Variants in MIPEP observed in about 807,000 individuals in gnomAD.
MIPEP encodes the protein mitochondrial intermediate peptidase.
Under a neutral mutation model 90.3 loss-of-function variants are expected in MIPEP, and 79 were observed. The observed-to-expected ratio is 0.87, with a 90% CI of 0.73 to 1.05. MIPEP has a LOEUF of 1.05. Among genes scored for constraint, MIPEP ranks in the 50% least tolerant of loss-of-function variants. MIPEP has a pLI of 0.00. For synonymous variants in MIPEP, 334 were observed against 315.8 expected (o/e 1.06, Z -0.61); for missense variants, 940 against 905.6 (o/e 1.04, Z -0.49).
chr13:23,812,545 A>T lies in MIPEP; in HGVS notation c.1654-2621T>A, dbSNP rs528003089. Among the ~76,000 whole-genome samples the T allele has an allele frequency of 1.1e-4, 17 of 152,144 alleles. No homozygotes were observed. The Middle Eastern group carries it at 0.014, about 122-fold the overall frequency. ...ACCCCCTGTTGGCCAAAGGGACCCC[A>T]GAGAAACTCTGGAAACTTGAGTTCC... On this transcript the variant is annotated intron_variant, in intron 14 of 18. Transcript: ENST00000382172.
rs76440389 is a variant in MIPEP at position 23,839,409 on chromosome 13, G to A, written c.1338+240C>T. On this transcript the variant is annotated intron_variant, in intron 12 of 18. Transcript: ENST00000382172. ...AATAAGGATTCATAAAATGTCAGTT[G>A]TCATTGTTACTATAATTAATACCAT... Among the ~76,000 whole-genome samples, 878 of 152,288 alleles carry A rather than the reference G, an allele frequency of 5.8e-3. 5 individuals carry two copies. The highest frequency in any genetic ancestry group is 9.1e-3 in the Non-Finnish European group (617 of 68,030).
chr13:23,826,402 T>C (rs1593175949), intron 14 of MIPEP, among the ~76,000 whole-genome samples: 1 of 152,046 alleles, frequency 6.6e-6, no homozygotes, highest in Non-Finnish European at 1.5e-5. Flanking sequence ...GGAACATTTC[T>C]AAAAAACTGA....
chr13:23,836,780 A>T (rs928828396), intron 13 of MIPEP, among the ~76,000 whole-genome samples: 7 of 152,224 alleles, frequency 4.6e-5, no homozygotes, highest in African/African-American at 1.7e-4. Flanking sequence ...GCTTTTTGTA[A>T]CAAAGTCAAT....
At chr13:23,741,107 A>ATCACAATGAGATACCATTGTACACCAG (rs1952323159) in intron 18 of MIPEP, among the ~76,000 whole-genome samples, 1 of 152,188 alleles carries the variant, frequency 6.6e-6, no homozygotes, top group African/African-American at 2.4e-5. Context: ...AAAAATCAAA[A>ATCACAATGAGATACCATTGTACACCAG]TCACAATGAG....
intron 18 of MIPEP, among the ~76,000 whole-genome samples, chr13:23,736,406 T>C (rs974674328): frequency 1.3e-5 from 2 of 152,218 alleles, no homozygotes; most frequent in African/African-American, 4.8e-5. Flanking sequence ...GAGAATTTAA[T>C]GTATTTTTCT....
At chr13:23,739,959 T>A (rs548999673) in intron 18 of MIPEP, among the ~76,000 whole-genome samples, 19 of 152,170 alleles carry the variant, frequency 1.2e-4, no homozygotes, top group Non-Finnish European at 2.2e-4. Context: ...CACCAAGGTG[T>A]CAATGGGGTA....
At chr13:23,782,391 T>C (rs998480843) in intron 16 of MIPEP, among the ~76,000 whole-genome samples, 5 of 152,172 alleles carry the variant, frequency 3.3e-5, no homozygotes, top group African/African-American at 1.2e-4. Context: ...GAAATAAAGA[T>C]GTTCTTTGAA....
chr13:23,879,446 C>T, intron 3 of MIPEP, 92 bp from the exon 4 acceptor site: 1 of 689,256 alleles, frequency 1.5e-6, no homozygotes, highest in Non-Finnish European at 2.5e-6. Flanking sequence ...TTGTACCACA[C>T]ACATGCCCAG....
chr13:23,844,238 G>A (rs1436423883), intron 10 of MIPEP, among the ~76,000 whole-genome samples: 3 of 152,114 alleles, frequency 2.0e-5, no homozygotes, highest in Non-Finnish European at 4.4e-5. Flanking sequence ...GGAAGACACA[G>A]AACAGTTCAG....
intron 9 of MIPEP, among the ~76,000 whole-genome samples, chr13:23,860,566 G>A (rs1299063967): frequency 1.3e-5 from 2 of 152,156 alleles, no homozygotes; most frequent in African/African-American, 2.4e-5. Flanking sequence ...CAGCAGGGTA[G>A]TAGGAAGGGA....
rs556587564 is a variant in MIPEP at position 23,803,364 on chromosome 13, AAACAAC to A, written c.1848+2580_1848+2585del. On this transcript the variant is annotated intron_variant, in intron 16 of 18. Coordinates refer to ENST00000382172, the MANE Select transcript of MIPEP (RefSeq NM_005932.4). ...GGAGTCAAAGCAAGACTCCATCTCA[AAACAAC>A]AACAACAACAACAACAACAAAAACA... Among the ~76,000 whole-genome samples the A allele has an allele frequency of 5.3e-5, 8 of 152,078 alleles. No homozygotes were observed. In the East Asian group the frequency reaches 5.8e-4, roughly 11 times the overall value.
intron 2 of MIPEP, among the ~76,000 whole-genome samples, chr13:23,885,865 A>C (rs1359518312): frequency 6.6e-6 from 1 of 150,490 alleles, no homozygotes; most frequent in Non-Finnish European, 1.5e-5. Context: ...ACTTGGGGCT[A>C]GGAGTTCAAG....
intron 8 of MIPEP, among the ~76,000 whole-genome samples, chr13:23,862,622 TA>T (rs1694105680): frequency 6.6e-6 from 1 of 152,196 alleles, no homozygotes; most frequent in African/African-American, 2.4e-5. Context: ...TTGGAAAAAC[TA>T]GCAATGTCAT....
At chr13:23,792,228 G>A (rs986923302) in intron 16 of MIPEP, among the ~76,000 whole-genome samples, 1 of 152,144 alleles carries the variant, frequency 6.6e-6, no homozygotes, top group African/African-American at 2.4e-5. Flanking sequence ...ATCTGTGTGG[G>A]GATGACTCCA....
intron 4 of MIPEP, among the ~76,000 whole-genome samples, chr13:23,877,799 T>C (rs899483916): frequency 6.6e-6 from 1 of 152,242 alleles, no homozygotes; most frequent in African/African-American, 2.4e-5. Context: ...TAGTTCTTTC[T>C]GGGTGCTAGC....
chr13:23,803,910 GC>G (rs57864585), intron 16 of MIPEP, among the ~76,000 whole-genome samples: 55,981 of 151,880 alleles, frequency 0.37, 11,096 homozygotes, highest in South Asian at 0.51. Flanking sequence ...TCTAAACATA[GC>G]TATGCTTCTT....
At chr13:23,831,320 G>A (rs1327009371) in intron 14 of MIPEP, among the ~76,000 whole-genome samples, 3 of 138,858 alleles carry the variant, frequency 2.2e-5, no homozygotes, top group African/African-American at 8.0e-5. Context: ...GTGAGAGAAA[G>A]AAGAGGAAAA....
intron 14 of MIPEP, among the ~76,000 whole-genome samples, chr13:23,823,084 G>T (rs1400286824): frequency 6.6e-6 from 1 of 151,920 alleles, no homozygotes; most frequent in Non-Finnish European, 1.5e-5. Context: ...TTAGATACCT[G>T]ACTTAGAAAA....
intron 16 of MIPEP, among the ~76,000 whole-genome samples, chr13:23,775,700 AT>A (rs757978421): frequency 6.6e-6 from 1 of 152,236 alleles, no homozygotes; most frequent in Non-Finnish European, 1.5e-5. Context: ...AGAAATAAAA[AT>A]ATCCTTGCCA....
Sources: gnomAD v4.1 joint callset for allele counts (sites outside exome capture counted in the v4.1 genomes callset) on GRCh38, gnomAD v4.1.1 for gene constraint, MANE v1.5 for transcripts, NCBI Gene and HGNC (gene_info 2026-07-23, HGNC 2026-07-21) for gene names.